GRAMD4: variants seen among roughly 807,000 people sequenced by gnomAD.
GRAMD4 encodes the protein GRAM domain-containing protein 4.
A neutral mutation model predicts 83.9 loss-of-function variants in GRAMD4; 25 were observed. The observed-to-expected ratio is 0.30, with a 90% CI of 0.22 to 0.42. The LOEUF (loss-of-function observed/expected upper bound fraction) is 0.42, where lower values mean the gene tolerates loss of function less well. Among genes scored for constraint, GRAMD4 ranks in the 10% least tolerant of loss-of-function variants. The pLI, the probability that GRAMD4 is intolerant of heterozygous loss-of-function variation, is 1.00. For missense variants in GRAMD4, 593 were observed against 788.7 expected, an observed-to-expected ratio of 0.75 and a Z score of 2.97; for synonymous variants, 336 against 320.9, an observed-to-expected ratio of 1.05 and a Z score of -0.50.
intron 17 of GRAMD4, among the ~76,000 whole-genome samples, chr22:46,675,927 G>T (rs756263342): frequency 6.6e-6 from 1 of 152,228 alleles, no homozygotes; most frequent in African/African-American, 2.4e-5. Flanking sequence ...TCAGATGGTC[G>T]CGCCCGCTCT....
At chr22:46,648,480 A>G (rs1337837643) in intron 3 of GRAMD4, among the ~76,000 whole-genome samples, 144 of 102,614 alleles carry the variant, frequency 1.4e-3, no homozygotes, top group East Asian at 4.7e-3. Context: ...TGGATGGGTG[A>G]GTGGATGGAT....
intron 1 of GRAMD4, among the ~76,000 whole-genome samples, chr22:46,609,192 C>T (rs1424905397): frequency 6.6e-6 from 1 of 151,984 alleles, no homozygotes; most frequent in Non-Finnish European, 1.5e-5. Flanking sequence ...AGACATACAT[C>T]GCAGACCGCT....
At chr22:46,653,961 G>A (rs2080582) in intron 3 of GRAMD4, among the ~76,000 whole-genome samples, 10,242 of 152,240 alleles carry the variant, frequency 0.067, 712 homozygotes, top group African/African-American at 0.18. Flanking sequence ...GAAACACCCC[G>A]TGGCTCTCTC....
At chr22:46,604,783 A>T (rs1252803771) in intron 1 of GRAMD4, among the ~76,000 whole-genome samples, 2 of 152,190 alleles carry the variant, frequency 1.3e-5, no homozygotes, top group African/African-American at 4.8e-5. Flanking sequence ...TCTTGGTGCC[A>T]TAATGTTCTC....
At chr22:46,646,511 A>G (rs936611554) in intron 3 of GRAMD4, among the ~76,000 whole-genome samples, 4 of 152,164 alleles carry the variant, frequency 2.6e-5, no homozygotes, top group Non-Finnish European at 5.9e-5. Flanking sequence ...TGGGTGATTC[A>G]GAGTGAGGAA....
At chr22:46,616,945 T>C (rs201787789), upstream of GRAMD4, among the ~76,000 whole-genome samples, 1,862 of 20,860 alleles carry the variant, frequency 0.089, 15 homozygotes, top group East Asian at 0.23. Flanking sequence ...CCTGTGCGTG[T>C]AGGTTCCCCC....
intron 4 of GRAMD4, among the ~76,000 whole-genome samples, chr22:46,658,713 C>T (rs1428302117): frequency 3.9e-5 from 6 of 152,202 alleles, no homozygotes; most frequent in African/African-American, 7.2e-5. Context: ...GGGGCCAGCC[C>T]GGCCTCTTAG....
At position 46,664,185 on chromosome 22, in the gene GRAMD4, A is replaced by G. The variant is rs796451311; in HGVS notation, c.717+68A>G. ...GCCTGCCAGCATTCACCACATGATC[A>G]GGCACCTTCCCAGGGTGGGAGGTGG... is the stretch of plus-strand genomic sequence containing the variant. On this transcript the variant is annotated intron_variant, in intron 8 of 18. Coordinates refer to ENST00000406902, the MANE Select transcript of GRAMD4 (RefSeq NM_015124.5). 1.3e-5 allele frequency: 15 copies of G among 1,124,356 alleles called. No homozygotes were observed. In the African/African-American group the frequency reaches 2.0e-4, roughly 15 times the overall value. 69.6% of individuals were successfully genotyped at this position (1,124,356 alleles called of 1,614,324 possible).
intron 1 of GRAMD4, among the ~76,000 whole-genome samples, chr22:46,614,211 C>T (rs1010484671): frequency 5.9e-5 from 9 of 152,220 alleles, no homozygotes; most frequent in Non-Finnish European, 7.3e-5. Context: ...CTGGGCCTGC[C>T]GCGCGTGGCA....
chr22:46,603,805 G>A (rs553049646), intron 1 of GRAMD4, among the ~76,000 whole-genome samples: 15 of 152,044 alleles, frequency 9.9e-5, no homozygotes, highest in African/African-American at 3.1e-4. Flanking sequence ...CGTGACCACC[G>A]CGCCCAGCCT....
chr22:46,598,955 G>A (rs2081286856), intron 1 of GRAMD4, among the ~76,000 whole-genome samples: 1 of 152,128 alleles, frequency 6.6e-6, no homozygotes, highest in Non-Finnish European at 1.5e-5. Context: ...AGGGTTGGGG[G>A]TGGTGGGACT....
intron 3 of GRAMD4, among the ~76,000 whole-genome samples, chr22:46,656,617 C>G (rs1225289031): frequency 6.6e-6 from 1 of 152,186 alleles, no homozygotes; most frequent in African/African-American, 2.4e-5. Flanking sequence ...CCCACCCTAC[C>G]CAGAAAGAAA....
chr22:46,620,179 CA>C (rs1442581286), upstream of GRAMD4: 19 of 308,926 alleles, frequency 6.2e-5, no homozygotes, highest in Non-Finnish European at 9.0e-5. This position sits in a 1 kb window ranked among gnomAD's most constrained non-coding sequence, Gnocchi z 4.7. Flanking sequence ...TTTCTGAGTC[CA>C]GGGTTCCCTA....
rs544414156 is a variant in GRAMD4, at chr22:46,585,058, G to C, written c.-50+7768G>C. 1.3e-4 allele frequency among the ~76,000 whole-genome samples: 20 copies of C among 152,326 alleles called. No homozygotes were observed. The South Asian group carries it at 4.1e-3, about 32-fold the overall frequency. On this transcript the variant is annotated intron_variant, in intron 1 of 1. Transcript: ENST00000431155. Reference sequence around the variant, plus strand: ...TTTCTGTTAAGCATCTTTCATTCAGGAATGCGTCAGGCCCTTGCAGAAGTT... The same window carrying C: ...TTTCTGTTAAGCATCTTTCATTCAGCAATGCGTCAGGCCCTTGCAGAAGTT...
intron 13 of GRAMD4, among the ~76,000 whole-genome samples, chr22:46,669,363 A>G (rs1217057683): frequency 2.0e-5 from 3 of 152,066 alleles, no homozygotes; most frequent in African/African-American, 7.2e-5. Context: ...TAAAACACTC[A>G]TCTGCAGAGC....
rs1250520860 is a variant in GRAMD4, at chr22:46,607,351, A to G, written c.-49-19400A>G. 3.3e-5 allele frequency among the ~76,000 whole-genome samples: 5 copies of G among 152,202 alleles called. 1 individual carries two copies. The highest frequency in any genetic ancestry group is 1.3e-4 in the Admixed American group (2 of 15,282). ...CTAGAACTCAAAGTGTTATAAAAAA[A>G]GGAGGGGTCATAATAATAGTCGCCA... is the stretch of plus-strand genomic sequence containing the variant. On this transcript the variant is annotated intron_variant, in intron 1 of 1. Coordinates refer to the GRAMD4 transcript ENST00000431155.
intron 3 of GRAMD4, among the ~76,000 whole-genome samples, chr22:46,643,156 C>CATCCATGCATGCATCT (rs2082007903): frequency 6.7e-6 from 1 of 148,730 alleles, no homozygotes. Context: ...TCCATCCATC[C>CATCCATGCATGCATCT]ATCCATCCAT....
At chr22:46,633,516 C>T (rs985260103) in intron 2 of GRAMD4, among the ~76,000 whole-genome samples, 1 of 152,180 alleles carries the variant, frequency 6.6e-6, no homozygotes, top group African/African-American at 2.4e-5. Context: ...TTCAGGGGCT[C>T]CTGATGAAGG....
chr22:46,652,216 G>T (rs897790181), intron 3 of GRAMD4, among the ~76,000 whole-genome samples: 3 of 152,156 alleles, frequency 2.0e-5, no homozygotes. Flanking sequence ...CACCACAAAG[G>T]TTCTGAGAAG....
Sources: allele counts gnomAD v4.1 joint callset (sites outside exome capture counted in the v4.1 genomes callset), GRCh38; gene constraint gnomAD v4.1.1; non-coding constraint Gnocchi (gnomAD v3.1); transcripts MANE v1.5; gene names NCBI Gene and HGNC (gene_info 2026-07-23, HGNC 2026-07-21).